Variants in SRP19 observed in about 807,000 individuals in gnomAD.
The protein encoded by SRP19 is signal recognition particle 19, also known as signal recognition particle 19 kDa protein.
Under a neutral mutation model 22.4 loss-of-function variants are expected in SRP19, and 11 were observed. That is an observed-to-expected ratio of 0.49 (90% CI 0.31 to 0.81). The LOEUF (loss-of-function observed/expected upper bound fraction) is 0.81, where lower values mean the gene tolerates loss of function less well. SRP19 is among the 40% of genes least tolerant of loss of function. SRP19 has a pLI of 0.05. For synonymous variants in SRP19, 61 were observed against 57.6 expected, an observed-to-expected ratio of 1.06 and a Z score of -0.27; for missense variants, 168 against 175.9, an observed-to-expected ratio of 0.96 and a Z score of 0.25.
chr5:112,879,336 G>C (rs1466733339), intron 4 of SRP19, among the ~76,000 whole-genome samples: 1 of 57,644 alleles, frequency 1.7e-5, no homozygotes, highest in Non-Finnish European at 3.3e-5. Flanking sequence ...GGGGGGGGGG[G>C]CTGGGGGGGC....
At chr5:112,871,624 G>C (rs569402604), downstream of SRP19, among the ~76,000 whole-genome samples, 1 of 152,008 alleles carries the variant, frequency 6.6e-6, no homozygotes, top group South Asian at 2.1e-4. Flanking sequence ...CAGGCGTGGT[G>C]GTGGGCGCCT....
At chr5:112,895,260 C>CAAAAAAAAAAAAAAAAAAAA (rs1195775772), downstream of SRP19, 1 of 64,290 alleles carries the variant, frequency 1.6e-5, no homozygotes, top group African/African-American at 5.3e-5. Context: ...AAAAAAAAAT[C>CAAAAAAAAAAAAAAAAAAAA]AGGAGAGGTG....
chr5:112,869,869 G>A (rs548161145), downstream of SRP19: 2 of 152,432 alleles, frequency 1.3e-5, no homozygotes, highest in African/African-American at 2.4e-5. Context: ...ATGCGGAACT[G>A]TGAGTCAGTT....
At chr5:112,866,836 C>G (rs1424765613) in intron 4 of SRP19, among the ~76,000 whole-genome samples, 1 of 152,132 alleles carries the variant, frequency 6.6e-6, no homozygotes, top group Non-Finnish European at 1.5e-5. Context: ...GTGGTGAGAA[C>G]ATGTCACTTC....
chr5:112,889,050 A>G (rs929303981), intron 4 of SRP19, among the ~76,000 whole-genome samples: 8 of 150,874 alleles, frequency 5.3e-5, no homozygotes, highest in Non-Finnish European at 8.8e-5. Context: ...GCCACCATGT[A>G]AGACATCCCT....
chr5:112,888,482 G>A (rs1156423371), intron 4 of SRP19, among the ~76,000 whole-genome samples: 1 of 152,168 alleles, frequency 6.6e-6, no homozygotes, highest in African/African-American at 2.4e-5. Context: ...GAGTGCAGTG[G>A]CATGAACATG....
At chr5:112,861,539 A>T (rs1767398846) in intron 1 of SRP19, 122 bp downstream of exon 1, 2 of 1,051,910 alleles carry the variant, frequency 1.9e-6, no homozygotes, top group Non-Finnish European at 2.8e-6. Context: ...CTCGCTCTGT[A>T]CGGGCCCCGC....
chr5:112,891,702 C>T (rs1467931228), exon 5 of SRP19: 24 of 1,613,916 alleles, frequency 1.5e-5, no homozygotes, highest in Non-Finnish European at 1.9e-5. Flanking sequence ...AACCAAGCCA[C>T]AAAAAGTACA....
intron 4 of SRP19, 58 bp from the exon 5 acceptor site, chr5:112,867,346 A>G (rs762726354): frequency 1.0e-5 from 16 of 1,555,758 alleles, no homozygotes; most frequent in Non-Finnish European, 1.4e-5. Flanking sequence ...ATTCAATTTG[A>G]TGACTTTTTA....
chr5:112,892,141 A>G, exon 5 of SRP19: 1 of 1,614,216 alleles, frequency 6.2e-7, no homozygotes, highest in Non-Finnish European at 8.5e-7. Context: ...CGTGGATTTC[A>G]GAGTAATGGA....
intron 4 of SRP19, among the ~76,000 whole-genome samples, chr5:112,882,542 C>T (rs773417710): frequency 4.6e-5 from 7 of 152,160 alleles, no homozygotes; most frequent in African/African-American, 7.2e-5. Flanking sequence ...AAAACATAAA[C>T]AAGAACTGGT....
chr5:112,874,127 C>G (rs998988070), downstream of SRP19, among the ~76,000 whole-genome samples: 1 of 152,170 alleles, frequency 6.6e-6, no homozygotes, highest in Non-Finnish European at 1.5e-5. Context: ...GATCATGCCA[C>G]TGCACTCCAG....
intron 4 of SRP19, among the ~76,000 whole-genome samples, chr5:112,880,645 CCTAA>C: frequency 6.6e-6 from 1 of 152,330 alleles, no homozygotes; most frequent in Non-Finnish European, 1.5e-5. Context: ...GTAAATTCCT[CCTAA>C]CTTATTTTAA....
chr5:112,864,681 G>A lies in SRP19; in HGVS notation c.250G>A (p.Val84Ile), dbSNP rs1767532783. Residue 84 changes from valine (V) to isoleucine (I), a missense_variant, in exon 4 of 5, where the codon GTC (valine) becomes ATC (isoleucine). Val to Ile is a conservative substitution (Grantham distance 29). Coordinates refer to ENST00000505459, the MANE Select transcript of SRP19 (RefSeq NM_003135.3). ...TGTCCAATACAGAGGCAGAGTCCGG[G>A]TCCAGCTCAAACAGGAAGATGGGAG... Reference protein sequence around the residue: ...RDVQYRGRVRVQLKQEDGSLC... With the variant: ...RDVQYRGRVRIQLKQEDGSLC... 2 of 1,614,124 alleles carry A rather than the reference G, an allele frequency of 1.2e-6. No homozygotes were observed. The highest frequency in any genetic ancestry group is 8.5e-7 in the Non-Finnish European group (1 of 1,180,018).
At position 112,861,332 on chromosome 5, in the gene SRP19, C is replaced by T. The variant is rs372428697; in HGVS notation, c.-45C>T. On this transcript the variant is annotated 5_prime_UTR_variant, in exon 1 of 5. Transcript: ENST00000505459. ...AGCCGGGTTCCTCCCGGGTTTCTGC[C>T]GGGTTTCTCCCTGCGGCTCCTGGGT... 35 of 1,612,670 alleles carry T rather than the reference C, an allele frequency of 2.2e-5. No homozygotes were observed. The highest frequency in any genetic ancestry group is 4.0e-5 in the African/African-American group (3 of 74,884).
At chr5:112,890,227 C>T (rs1409919085) in intron 4 of SRP19, among the ~76,000 whole-genome samples, 3 of 150,386 alleles carry the variant, frequency 2.0e-5, no homozygotes, top group Admixed American at 2.0e-4. Flanking sequence ...GAGGTCGAGA[C>T]TGCAGTGAGC....
At chr5:112,864,926 G>C in intron 4 of SRP19, 194 bp downstream of exon 4, 1 of 411,254 alleles carries the variant, frequency 2.4e-6, no homozygotes, top group East Asian at 3.6e-5. Flanking sequence ...AAAATGTAAT[G>C]AGACCCACTA....
At chr5:112,871,242 A>G (rs1433290854), downstream of SRP19, among the ~76,000 whole-genome samples, 1 of 124,754 alleles carries the variant, frequency 8.0e-6, no homozygotes, top group Non-Finnish European at 1.6e-5. Flanking sequence ...GCAATCAGTG[A>G]ATTTTTTTTT....
At chr5:112,878,732 T>C (rs1033269215) in intron 4 of SRP19, 1 of 1,606,116 alleles carries the variant, frequency 6.2e-7, no homozygotes. Flanking sequence ...TAATATAACA[T>C]CAAGCTCCAG....
Sources: allele counts gnomAD v4.1 joint callset (sites outside exome capture counted in the v4.1 genomes callset), GRCh38; gene constraint gnomAD v4.1.1; transcripts MANE v1.5; gene names NCBI Gene and HGNC (gene_info 2026-07-23, HGNC 2026-07-21).